The following QTGAL variants were observed in gnomAD, a reference collection of about 807,000 sequenced individuals.
QTGAL encodes the protein queuosine-tRNA galactosyltransferase.
At chr17:83,036,740 T>A in the QTGAL span, among the ~76,000 whole-genome samples, 4 of 152,106 alleles carry the variant, frequency 2.6e-5, no homozygotes, top group African/African-American at 9.7e-5. Flanking sequence ...TGCTGCCCTG[T>A]GGGCGGTGGG....
At chr17:82,962,655 C>T in the QTGAL span, among the ~76,000 whole-genome samples, 1 of 146,064 alleles carries the variant, frequency 6.8e-6, no homozygotes, top group African/African-American at 2.5e-5. Flanking sequence ...GGACACGGAC[C>T]CTCGCAGGGG....
the QTGAL span, among the ~76,000 whole-genome samples, chr17:82,953,306 A>G: frequency 6.6e-6 from 1 of 152,192 alleles, no homozygotes; most frequent in Non-Finnish European, 1.5e-5. Context: ...AATCAAGTAG[A>G]CACAATAAAA....
chr17:83,037,686 C>G, the QTGAL span, among the ~76,000 whole-genome samples: 1 of 152,056 alleles, frequency 6.6e-6, no homozygotes, highest in Non-Finnish European at 1.5e-5. This position sits in a 1 kb window ranked among gnomAD's most constrained non-coding sequence, Gnocchi z 5.2. Flanking sequence ...GGGCCTTCCA[C>G]GAGGCACACT....
At chr17:82,970,578 TGGCCGCGACCTCCGCACC>T in the QTGAL span, among the ~76,000 whole-genome samples, 1 of 134,424 alleles carries the variant, frequency 7.4e-6, no homozygotes, top group African/African-American at 3.5e-5. Context: ...GCACCCGGCG[TGGCCGCGACCTCCGCACC>T]CGGCGTGGCC....
the QTGAL span, among the ~76,000 whole-genome samples, chr17:83,000,282 G>A: frequency 1.3e-5 from 2 of 152,038 alleles, no homozygotes; most frequent in Non-Finnish European, 2.9e-5. Context: ...TTTTTACTGT[G>A]ATTTGTGATT....
At chr17:82,961,296 T>C in the QTGAL span, 1 of 1,418,594 alleles carries the variant, frequency 7.0e-7, no homozygotes. Flanking sequence ...AAAAGGCTTT[T>C]GTTGCAAAGA....
At chr17:83,019,299 G>A in the QTGAL span, among the ~76,000 whole-genome samples, 15 of 152,140 alleles carry the variant, frequency 9.9e-5, no homozygotes, top group East Asian at 1.2e-3. Context: ...TGGCCAGTGC[G>A]CAAAGACAGC....
chr17:83,049,379 A>G, the QTGAL span, among the ~76,000 whole-genome samples: 1 of 151,156 alleles, frequency 6.6e-6, no homozygotes, highest in East Asian at 1.9e-4. Flanking sequence ...GTATCTGGGT[A>G]TCTTCCAACT....
chr17:82,968,066 C>A, the QTGAL span, among the ~76,000 whole-genome samples: 1 of 152,210 alleles, frequency 6.6e-6, no homozygotes, highest in East Asian at 1.9e-4. Flanking sequence ...GAGAGTTAAA[C>A]ACAGACTTCC....
At chr17:83,022,265 GAGC>G in the QTGAL span, among the ~76,000 whole-genome samples, 1 of 136,132 alleles carries the variant, frequency 7.3e-6, no homozygotes, top group Non-Finnish European at 1.7e-5. Flanking sequence ...GAACTCACAT[GAGC>G]TTAGCACTGT....
the QTGAL span, among the ~76,000 whole-genome samples, chr17:82,995,634 C>T: frequency 2.0e-5 from 3 of 152,128 alleles, no homozygotes; most frequent in Non-Finnish European, 1.5e-5. Flanking sequence ...CCACCCACCT[C>T]GCCCTCCCAA....
chr17:83,039,019 C>T, the QTGAL span, among the ~76,000 whole-genome samples: 1,172 of 152,192 alleles, frequency 7.7e-3, 9 homozygotes, highest in Middle Eastern at 0.044. Flanking sequence ...CAAGATATAA[C>T]TTGGGAAAAA....
the QTGAL span, among the ~76,000 whole-genome samples, chr17:83,024,806 T>C: frequency 6.6e-6 from 1 of 152,036 alleles, no homozygotes; most frequent in South Asian, 2.1e-4. Flanking sequence ...TGCTGAGGAG[T>C]GACCAGAACG....
the QTGAL span, among the ~76,000 whole-genome samples, chr17:83,038,686 A>G: frequency 6.6e-6 from 1 of 152,098 alleles, no homozygotes; most frequent in Non-Finnish European, 1.5e-5. Context: ...GTGAAACCCC[A>G]TCTCTACTAA....
the QTGAL span, chr17:83,048,567 T>C: frequency 2.5e-6 from 4 of 1,613,480 alleles, no homozygotes; most frequent in East Asian, 6.7e-5. Flanking sequence ...GCCCCAGACT[T>C]GTCCTGAAAG....
chr17:83,024,404 G>A, the QTGAL span, among the ~76,000 whole-genome samples: 4 of 152,220 alleles, frequency 2.6e-5, no homozygotes, highest in East Asian at 3.8e-4. Flanking sequence ...AAGACCACAC[G>A]GCGGTTCAGA....
the QTGAL span, among the ~76,000 whole-genome samples, chr17:83,039,946 C>T: frequency 1.3e-5 from 2 of 152,258 alleles, no homozygotes; most frequent in East Asian, 3.9e-4. Flanking sequence ...GACTTAACTC[C>T]CCAGGCTCTC....
the QTGAL span, among the ~76,000 whole-genome samples, chr17:82,989,184 T>G: frequency 6.6e-6 from 1 of 152,178 alleles, no homozygotes. Context: ...AATGAGATCA[T>G]GTACTTTGCA....
At chr17:82,975,905 C>T in the QTGAL span, among the ~76,000 whole-genome samples, 1 of 45,748 alleles carries the variant, frequency 2.2e-5, no homozygotes, top group Non-Finnish European at 4.5e-5. Context: ...GAACGAGGGC[C>T]CCGGGACAGA....
Sources: gnomAD v4.1 joint callset for allele counts (sites outside exome capture counted in the v4.1 genomes callset) on GRCh38, gnomAD v4.1.1 for gene constraint, Gnocchi (gnomAD v3.1) non-coding constraint, MANE v1.5 for transcripts, NCBI Gene and HGNC (gene_info 2026-07-23, HGNC 2026-07-21) for gene names.